The following IQSEC1 variants were observed in gnomAD, a reference collection of about 807,000 sequenced individuals.
IQSEC1 encodes IQ motif and SEC7 domain-containing protein 1.
Under a neutral mutation model 91.0 loss-of-function variants are expected in IQSEC1, and 31 were observed. The ratio of observed to expected loss-of-function variants is 0.34; its 90% confidence interval spans 0.26 to 0.46. The LOEUF (loss-of-function observed/expected upper bound fraction) is 0.46, where lower values mean the gene tolerates loss of function less well. IQSEC1 is among the 20% of genes least tolerant of loss of function. The probability of loss-of-function intolerance (pLI) is 1.00; values close to 1 mark genes in which losing one functional copy is unlikely to be tolerated. For missense variants in IQSEC1, 1,388 were observed against 1,575.6 expected (o/e 0.88, Z 2.02); for synonymous variants, 699 against 662.6 (o/e 1.05, Z -0.84).
rs950648314 is a variant in IQSEC1 at position 12,911,386 on chromosome 3, G to A, written c.2416+243C>T. 3.9e-5 allele frequency among the ~76,000 whole-genome samples: 6 copies of A among 152,336 alleles called. No individual in the cohort carries two copies. In the South Asian group the frequency reaches 1.0e-3, roughly 26 times the overall value. ...AAAAATCTTATCACCTGCAAGAAAC[G>A]AAGTACCAGTAAAAGCAAACTGAGT... On this transcript the variant is annotated intron_variant, in intron 10 of 13. Coordinates refer to ENST00000613206, the MANE Select transcript of IQSEC1 (RefSeq NM_001134382.3).
intron 2 of IQSEC1, among the ~76,000 whole-genome samples, chr3:13,160,044 T>C (rs357170): frequency 0.9 from 137,029 of 152,224 alleles, 61,919 homozygotes; most frequent in African/African-American, 0.97. Flanking sequence ...AAGTCCTACA[T>C]TTGCAAAATG....
intron 1 of IQSEC1, among the ~76,000 whole-genome samples, chr3:13,268,468 G>A (rs1695534646): frequency 6.6e-6 from 1 of 152,160 alleles, no homozygotes; most frequent in South Asian, 2.1e-4. Context: ...TGAAAACTCA[G>A]CTGTGGTCCA....
chr3:13,257,137 G>A (rs1009428224), intron 1 of IQSEC1, among the ~76,000 whole-genome samples: 17 of 152,128 alleles, frequency 1.1e-4, no homozygotes, highest in Non-Finnish European at 2.1e-4. Flanking sequence ...GGTCAGGGAG[G>A]GCAGCACTTC....
rs539558800 is a variant in IQSEC1, at chr3:12,969,198, C to T, written c.24-27333G>A. Among the ~76,000 whole-genome samples, 3 of 152,202 alleles carry T rather than the reference C, an allele frequency of 2.0e-5. No homozygotes were observed. In the South Asian group the frequency reaches 6.2e-4, roughly 32 times the overall value. ...ATGTATCTAGTAAGGGTCTAGTGTC[C>T]ATAGTACATAAAGAACGCTCACAAT... On this transcript the variant is annotated intron_variant, in intron 1 of 13. Coordinates refer to ENST00000613206, the MANE Select transcript of IQSEC1 (RefSeq NM_001134382.3).
At chr3:13,196,373 A>G (rs1334408887) in intron 1 of IQSEC1, among the ~76,000 whole-genome samples, 1 of 152,200 alleles carries the variant, frequency 6.6e-6, no homozygotes. Flanking sequence ...CTCAGAGACA[A>G]GGAAAGGTAA....
In IQSEC1 at chr3:12,908,241, G is replaced by T; in HGVS notation, c.2755+108C>A. ...GGAAGGTCAGGGGAAATGCCGCACT[G>T]GCTTCGCCGCAGGCCCTGCCCCGCG... On this transcript the variant is annotated intron_variant, in intron 12 of 13. Transcript: ENST00000613206. This position sits in a 1 kb window ranked among gnomAD's most constrained non-coding sequence, Gnocchi z 4.9. 1 of 1,191,010 alleles carries T rather than the reference G, an allele frequency of 8.4e-7. No individual in the cohort carries two copies. The highest frequency in any genetic ancestry group is 1.2e-6 in the Non-Finnish European group (1 of 851,790). 73.8% of individuals were successfully genotyped at this position (1,191,010 alleles called of 1,614,324 possible).
At chr3:13,042,016 G>C (rs530826592) in intron 1 of IQSEC1, among the ~76,000 whole-genome samples, 2 of 152,246 alleles carry the variant, frequency 1.3e-5, no homozygotes, top group Non-Finnish European at 1.5e-5. Context: ...CCGGCAGCAA[G>C]GAACAATGAA....
At chr3:13,127,971 C>G (rs1706546478) in intron 2 of IQSEC1, among the ~76,000 whole-genome samples, 2 of 152,108 alleles carry the variant, frequency 1.3e-5, no homozygotes, top group Admixed American at 1.3e-4. Context: ...TTTTGCTGTT[C>G]TTATACAGAA....
intron 2 of IQSEC1, among the ~76,000 whole-genome samples, chr3:13,142,214 C>T (rs372711200): frequency 2.0e-5 from 3 of 152,240 alleles, no homozygotes; most frequent in Non-Finnish European, 4.4e-5. Context: ...CAGAGCGCAG[C>T]GGGCTGCGGG....
At chr3:13,036,438 T>C (rs1704037401) in intron 1 of IQSEC1, among the ~76,000 whole-genome samples, 1 of 152,090 alleles carries the variant, frequency 6.6e-6, no homozygotes, top group Admixed American at 6.5e-5. Flanking sequence ...AAGAAAGTAA[T>C]AATAATAAAC....
chr3:13,111,235 C>A (rs757368142), intron 2 of IQSEC1, among the ~76,000 whole-genome samples: 1 of 152,220 alleles, frequency 6.6e-6, no homozygotes, highest in Non-Finnish European at 1.5e-5. Context: ...CAGGGCTCAC[C>A]ACACCCCACT....
intron 2 of IQSEC1, among the ~76,000 whole-genome samples, chr3:12,938,450 T>C (rs1470946789): frequency 6.6e-6 from 1 of 152,100 alleles, no homozygotes; most frequent in Non-Finnish European, 1.5e-5. Context: ...CCCAGCAGGC[T>C]GGGTGGAGGA....
At chr3:13,261,209 C>T (rs897543809) in intron 1 of IQSEC1, among the ~76,000 whole-genome samples, 1 of 152,202 alleles carries the variant, frequency 6.6e-6, no homozygotes, top group Non-Finnish European at 1.5e-5. Context: ...GCTGAGGGCT[C>T]CCAGCTGAGT....
rs541688223 is a variant in IQSEC1, at chr3:13,038,364, G to T, written c.23+34628C>A. ...TGCAACCACATGGATGGAACTGGAG[G>T]TCATGATGTTAAGTGAAATAAGCCA... On this transcript the variant is annotated intron_variant, in intron 1 of 13. Coordinates refer to ENST00000613206, the MANE Select transcript of IQSEC1 (RefSeq NM_001134382.3). Among the ~76,000 whole-genome samples the T allele has an allele frequency of 5.4e-5, 8 of 148,142 alleles. No individual in the cohort carries two copies. In the South Asian group the frequency reaches 1.7e-3, roughly 31 times the overall value.
At chr3:13,000,145 A>T (rs1189307976) in intron 1 of IQSEC1, among the ~76,000 whole-genome samples, 1 of 152,268 alleles carries the variant, frequency 6.6e-6, no homozygotes, top group African/African-American at 2.4e-5. Flanking sequence ...AAACAAAAAA[A>T]ATGAACAACT....
At chr3:13,201,058 G>C (rs1168754375) in intron 1 of IQSEC1, among the ~76,000 whole-genome samples, 1 of 152,140 alleles carries the variant, frequency 6.6e-6, no homozygotes, top group African/African-American at 2.4e-5. Context: ...TCACTTTTGG[G>C]GGCACTGCCT....
chr3:12,982,629 G>A (rs903881985), intron 1 of IQSEC1, among the ~76,000 whole-genome samples: 1 of 152,250 alleles, frequency 6.6e-6, no homozygotes, highest in Non-Finnish European at 1.5e-5. Context: ...TCTAAGCCCT[G>A]TTCTAGAAAG....
chr3:12,982,704 G>C (rs945565166), intron 1 of IQSEC1, among the ~76,000 whole-genome samples: 2 of 152,164 alleles, frequency 1.3e-5, no homozygotes, highest in Non-Finnish European at 2.9e-5. Flanking sequence ...TTCTAGTCCT[G>C]GTGGCTGAGG....
intron 1 of IQSEC1, among the ~76,000 whole-genome samples, chr3:13,209,702 G>C (rs1337459823): frequency 1.3e-5 from 2 of 152,224 alleles, no homozygotes; most frequent in Non-Finnish European, 2.9e-5. Flanking sequence ...TATGCTGGGG[G>C]GCTCTCCAAC....
Sources: allele counts gnomAD v4.1 joint callset (sites outside exome capture counted in the v4.1 genomes callset), GRCh38; gene constraint gnomAD v4.1.1; non-coding constraint Gnocchi (gnomAD v3.1); transcripts MANE v1.5; gene names NCBI Gene and HGNC (gene_info 2026-07-23, HGNC 2026-07-21).